ZNF131: variants seen among roughly 807,000 people sequenced by gnomAD.
ZNF131 encodes the protein zinc finger and BTB domain containing 35.
In ZNF131, 7 loss-of-function variants were observed where a neutral mutation model predicts 60.0. That is an observed-to-expected ratio of 0.12 (90% confidence interval 0.07 to 0.22). ZNF131 has a LOEUF of 0.22. Among genes scored for constraint, ZNF131 ranks in the 10% least tolerant of loss-of-function variants. The pLI is 1.00. For missense variants in ZNF131, 493 were observed against 740.9 expected, an observed-to-expected ratio of 0.67 and a Z score of 3.88; for synonymous variants, 257 against 253.2, an observed-to-expected ratio of 1.01 and a Z score of -0.14.
At chr5:43,160,508 T>C (rs1749550475) in intron 4 of ZNF131, among the ~76,000 whole-genome samples, 1 of 151,794 alleles carries the variant, frequency 6.6e-6, no homozygotes, top group Non-Finnish European at 1.5e-5. Flanking sequence ...CACTAACCAA[T>C]GTCACTAAGG....
At chr5:43,123,175 G>A (rs1162154434) in intron 2 of ZNF131, 34 bp from the exon 3 acceptor site, 5 of 1,533,278 alleles carry the variant, frequency 3.3e-6, no homozygotes, top group Non-Finnish European at 4.4e-6. Context: ...TCGTGCTTGT[G>A]TATGATTTTC....
At chr5:43,152,993 C>G (rs903445057) in intron 4 of ZNF131, among the ~76,000 whole-genome samples, 1 of 152,152 alleles carries the variant, frequency 6.6e-6, no homozygotes, top group African/African-American at 2.4e-5. Context: ...ATTGTCATTC[C>G]TCCTTCACCT....
chr5:43,163,186 G>A (rs895324958), intron 5 of ZNF131, among the ~76,000 whole-genome samples: 1 of 151,684 alleles, frequency 6.6e-6, no homozygotes, highest in African/African-American at 2.4e-5. Flanking sequence ...TATTGGTCAG[G>A]CCAGGGTGGT....
intron 6 of ZNF131, 137 bp from the exon 7 acceptor site, chr5:43,174,310 A>G: frequency 3.8e-6 from 3 of 782,432 alleles, no homozygotes; most frequent in East Asian, 5.8e-5. Flanking sequence ...AGCTTGGACG[A>G]GATTCTATTG....
chr5:43,168,808 A>AT (rs1183713798), intron 5 of ZNF131, among the ~76,000 whole-genome samples: 1 of 152,138 alleles, frequency 6.6e-6, no homozygotes, highest in Non-Finnish European at 1.5e-5. Flanking sequence ...GAGAGATTTG[A>AT]GTAACATTAG....
In ZNF131 at chr5:43,174,878, T is replaced by C. The variant is rs1751403413; in HGVS notation, c.1617T>C (p.His539=). ...RIQTEEGTEV[H]VEELHVERVN... ...AGACTGAAGAAGGTACTGAAGTACA[T>C]GTAGAGGAGCTGCATGTTGAACGGG... is the stretch of plus-strand genomic sequence containing the variant. Residue 539 remains histidine, a synonymous_variant, in exon 7 of 7, where the codon CAT becomes CAC. Transcript: ENST00000682664. The C allele has an allele frequency of 6.2e-7, 1 of 1,613,998 alleles. No individual in the cohort carries two copies. The highest frequency in any genetic ancestry group is 1.7e-5 in the Admixed American group (1 of 59,986).
intron 4 of ZNF131, among the ~76,000 whole-genome samples, chr5:43,146,906 T>TA (rs1747656527): frequency 6.6e-6 from 1 of 151,514 alleles, no homozygotes; most frequent in African/African-American, 2.4e-5. Flanking sequence ...CATCTCAAAA[T>TA]ATATATATAT....
At chr5:43,136,074 A>C (rs1229576175) in intron 3 of ZNF131, among the ~76,000 whole-genome samples, 1 of 152,134 alleles carries the variant, frequency 6.6e-6, no homozygotes. Context: ...GAGCCTCTGT[A>C]CTCCAGCTCG....
chr5:43,172,356 C>A (rs984282293), intron 5 of ZNF131, among the ~76,000 whole-genome samples: 2 of 152,194 alleles, frequency 1.3e-5, no homozygotes, highest in Non-Finnish European at 2.9e-5. Context: ...TGCAGTGGCT[C>A]ACGCTTATAA....
intron 5 of ZNF131, 33 bp downstream of exon 5, chr5:43,161,964 T>G: frequency 6.5e-7 from 1 of 1,529,118 alleles, no homozygotes; most frequent in Non-Finnish European, 8.8e-7. Context: ...AAATTTTTTT[T>G]TCCCACATGC....
intron 2 of ZNF131, 119 bp from the exon 3 acceptor site, chr5:43,123,090 T>C (rs1479679296): frequency 1.0e-5 from 7 of 666,740 alleles, no homozygotes. Flanking sequence ...ATAATTTCTG[T>C]AGTTACGTAA....
At chr5:43,136,029 C>T (rs1162807215) in intron 3 of ZNF131, among the ~76,000 whole-genome samples, 2 of 152,076 alleles carry the variant, frequency 1.3e-5, no homozygotes, top group Non-Finnish European at 2.9e-5. Context: ...GAAGGAGAAT[C>T]GCTTGAACCC....
rs199706160 is a variant in ZNF131 at position 43,173,343 on chromosome 5, T to C, written c.1080T>C (p.Asn360=). ...HTGEKPFECP[N]CHERFARNST... ...GTGAAAAACCTTTTGAATGTCCAAA[T>C]TGTCATGAACGATTTGCTAGAAATA... Residue 360 remains asparagine (N), a synonymous_variant, in exon 6 of 7, where the codon AAT becomes AAC. Coordinates refer to ENST00000682664, the MANE Select transcript of ZNF131 (RefSeq NM_001330707.2). The C allele has an allele frequency of 8.7e-6, 14 of 1,609,406 alleles. No individual in the cohort carries two copies. In the South Asian group the frequency reaches 1.4e-4, roughly 17 times the overall value.
In ZNF131 at chr5:43,154,811, TC is replaced by T. The variant is rs551647855; in HGVS notation, c.372-6436del. Among the ~76,000 whole-genome samples, 283 of 152,302 alleles carry T rather than the reference TC, an allele frequency of 1.9e-3. 1 individual carries two copies. The highest frequency in any genetic ancestry group is 6.5e-3 in the African/African-American group (270 of 41,564). On this transcript the variant is annotated intron_variant, in intron 4 of 6. Coordinates refer to ENST00000682664, the MANE Select transcript of ZNF131 (RefSeq NM_001330707.2). ...CATCTGAATGAGTGACCCAGATAAT[TC>T]CGGCAACAGCTGCTATTTTTTCCAC...
Position 43,175,295 on chromosome 5 carries a change from C to A in ZNF131, c.*162C>A. 1 of 746,554 alleles carries A rather than the reference C, an allele frequency of 1.3e-6. No homozygotes were observed. Among genetic ancestry groups the A allele is most frequent in the Non-Finnish European group, 2.2e-6 (1 of 455,146 alleles). The allele number at this position is 746,554 out of a possible 1,614,324, so 46.2% of individuals were successfully genotyped here. On this transcript the variant is annotated 3_prime_UTR_variant, in exon 7 of 7. Coordinates refer to ENST00000682664, the MANE Select transcript of ZNF131 (RefSeq NM_001330707.2). ...CGTTGAAACACATTGATTCCCCTCC[C>A]CCTACTTATTGCCACAGAGGAGGGA...
intron 4 of ZNF131, among the ~76,000 whole-genome samples, chr5:43,143,189 A>T (rs1393142172): frequency 6.6e-6 from 1 of 151,760 alleles, no homozygotes; most frequent in Middle Eastern, 3.2e-3. Context: ...CGCCCAGCTA[A>T]TTTTTGTATT....
rs149385524 is a variant in ZNF131, at chr5:43,136,579, C to A, written c.227-2586C>A. On this transcript the variant is annotated intron_variant, in intron 3 of 6. Transcript: ENST00000682664. ...TTGGCCCACTGCAGCCTTAGCCTCC[C>A]AAGTAGCTGGGATTACAGGTGCGTG... Among the ~76,000 whole-genome samples, 119 of 146,568 alleles carry A rather than the reference C, an allele frequency of 8.1e-4. 2 individuals carry two copies. The East Asian group carries it at 0.023, about 28-fold the overall frequency.
rs202140708 is a variant in ZNF131 at position 43,162,609 on chromosome 5, AAG to A, written c.1054+680_1054+681del. On this transcript the variant is annotated intron_variant, in intron 5 of 6. Coordinates refer to ENST00000682664, the MANE Select transcript of ZNF131 (RefSeq NM_001330707.2). Reference sequence around the variant, plus strand: ...TCCATCTTAAAAAAAAAAAAAAGAAAAGAAAAAAAAGCGGCCAGGCGCGGTGG... The same window carrying A: ...TCCATCTTAAAAAAAAAAAAAAGAAAAAAAAAAAGCGGCCAGGCGCGGTGG... 8.4e-3 allele frequency among the ~76,000 whole-genome samples: 1,226 copies of A among 146,218 alleles called. 46 individuals are homozygous for A. In the East Asian group the frequency reaches 0.13, roughly 15 times the overall value.
chr5:43,148,404 T>A (rs1472818458), intron 4 of ZNF131, among the ~76,000 whole-genome samples: 2 of 152,232 alleles, frequency 1.3e-5, no homozygotes, highest in Non-Finnish European at 2.9e-5. Flanking sequence ...TTTATCCATT[T>A]ACATATTTGT....
Sources: gnomAD v4.1 joint callset for allele counts (sites outside exome capture counted in the v4.1 genomes callset) on GRCh38, gnomAD v4.1.1 for gene constraint, MANE v1.5 for transcripts, NCBI Gene and HGNC (gene_info 2026-07-23, HGNC 2026-07-21) for gene names.